IPMK: variants seen among roughly 807,000 people sequenced by gnomAD.
IPMK encodes inositol 1,3,4,6-tetrakisphosphate 5-kinase.
In IPMK, 17 loss-of-function variants were observed where a neutral mutation model predicts 45.8. The ratio of observed to expected loss-of-function variants is 0.37; its 90% CI spans 0.25 to 0.56. The LOEUF is 0.56. Among genes scored for constraint, IPMK ranks in the 20% least tolerant of loss-of-function variants. The probability of loss-of-function intolerance (pLI) is 0.79; values close to 1 mark genes in which losing one functional copy is unlikely to be tolerated. For missense variants in IPMK, 399 were observed against 498.0 expected (o/e 0.80, Z 1.89); for synonymous variants, 180 against 184.3 (o/e 0.98, Z 0.19).
intron 3 of IPMK, among the ~76,000 whole-genome samples, chr10:58,224,285 A>C (rs1838380979): frequency 6.6e-6 from 1 of 152,210 alleles, no homozygotes. Flanking sequence ...AACCTACTCG[A>C]TGTTATACTT....
intron 1 of IPMK, among the ~76,000 whole-genome samples, chr10:58,262,694 C>A (rs1207083400): frequency 6.6e-6 from 1 of 152,136 alleles, no homozygotes; most frequent in Non-Finnish European, 1.5e-5. Context: ...AGGAAGTGCT[C>A]TCAATGGTCA....
At chr10:58,208,920 T>A (rs970735637) in intron 4 of IPMK, among the ~76,000 whole-genome samples, 16 of 152,166 alleles carry the variant, frequency 1.1e-4, no homozygotes, top group Non-Finnish European at 2.1e-4. Flanking sequence ...TGGCTCTCAA[T>A]TAGATGTGCT....
At chr10:58,245,647 C>T (rs372452032) in intron 1 of IPMK, among the ~76,000 whole-genome samples, 12 of 151,286 alleles carry the variant, frequency 7.9e-5, no homozygotes, top group East Asian at 1.9e-4. Flanking sequence ...CCCAGAGAGA[C>T]GTATCTCAAA....
At chr10:58,263,511 A>C (rs1839104661) in intron 1 of IPMK, among the ~76,000 whole-genome samples, 1 of 142,620 alleles carries the variant, frequency 7.0e-6, no homozygotes, top group African/African-American at 2.9e-5. Flanking sequence ...GCAACAGAGC[A>C]AGACTCCGTT....
chr10:58,265,148 C>T (rs1439274593), intron 1 of IPMK, among the ~76,000 whole-genome samples: 1 of 152,130 alleles, frequency 6.6e-6, no homozygotes, highest in African/African-American at 2.4e-5. Flanking sequence ...CTAATATATG[C>T]TTGTTACTTA....
chr10:58,244,347 C>T (rs545478583), intron 1 of IPMK, among the ~76,000 whole-genome samples: 4 of 149,780 alleles, frequency 2.7e-5, no homozygotes, highest in African/African-American at 9.8e-5. Context: ...GCGCCTCTGC[C>T]CGGCCGCCCC....
In IPMK at chr10:58,234,019, T is replaced by C. The variant is rs539292127; in HGVS notation, c.276+3710A>G. Among the ~76,000 whole-genome samples, 4 of 152,122 alleles carry C rather than the reference T, an allele frequency of 2.6e-5. No individual in the cohort carries two copies. The East Asian group carries it at 5.8e-4, about 22-fold the overall frequency. Reference sequence around the variant, plus strand: ...AATCACAAGCATTCCTATACACCATTAACAGACAAACAGAGAGCCAAATCA... The same window carrying C: ...AATCACAAGCATTCCTATACACCATCAACAGACAAACAGAGAGCCAAATCA... On this transcript the variant is annotated intron_variant, in intron 2 of 5. Coordinates refer to ENST00000373935, the MANE Select transcript of IPMK (RefSeq NM_152230.5).
intron 3 of IPMK, among the ~76,000 whole-genome samples, chr10:58,220,951 AG>A (rs1838323930): frequency 6.6e-6 from 1 of 152,204 alleles, no homozygotes; most frequent in Admixed American, 6.5e-5. Context: ...TTTGATATTC[AG>A]TATAAATAAA....
chr10:58,250,714 C>T (rs1216428112), intron 1 of IPMK, among the ~76,000 whole-genome samples: 1 of 152,136 alleles, frequency 6.6e-6, no homozygotes, highest in Non-Finnish European at 1.5e-5. Flanking sequence ...GACTTCCACT[C>T]AAATAGGAGT....
chr10:58,206,801 CA>C (rs1838077318), intron 4 of IPMK, among the ~76,000 whole-genome samples: 1 of 152,104 alleles, frequency 6.6e-6, no homozygotes, highest in African/African-American at 2.4e-5. Context: ...CTCAAGTCCC[CA>C]AAGTCCATTA....
chr10:58,250,419 G>GTTA, intron 1 of IPMK, among the ~76,000 whole-genome samples: 1 of 151,554 alleles, frequency 6.6e-6, no homozygotes, highest in East Asian at 1.9e-4. Flanking sequence ...TAGGGTTTTT[G>GTTA]TTGTTGTTGT....
At chr10:58,236,763 T>G (rs1462555369) in intron 2 of IPMK, among the ~76,000 whole-genome samples, 1 of 151,818 alleles carries the variant, frequency 6.6e-6, no homozygotes, top group Non-Finnish European at 1.5e-5. Context: ...TGTTTTAAAA[T>G]TAGCCAGGCT....
Position 58,196,292 on chromosome 10 carries a change from C to T in IPMK, c.1035G>A (p.Gly345=), listed in dbSNP as rs749648025. 1 of 1,614,046 alleles carries T rather than the reference C, an allele frequency of 6.2e-7. No homozygotes were observed. Among genetic ancestry groups the T allele is most frequent in the Admixed American group, 1.7e-5 (1 of 60,010 alleles). The stretch of plus-strand genomic sequence containing the variant: ...AATGTTCCTGTGACATGCTTTTCCA[C>T]CCATTGTCTTGCTCCAGATTTTCAA... ...LKVENLEQDN[G]WKSMSQEHLN... The change falls in exon 6 of 6, where the codon GGG becomes GGA. Residue 345 remains glycine (G), a synonymous_variant. Transcript: ENST00000373935.
At chr10:58,261,586 T>C (rs1839068080) in intron 1 of IPMK, among the ~76,000 whole-genome samples, 2 of 151,776 alleles carry the variant, frequency 1.3e-5, no homozygotes, top group Admixed American at 6.6e-5. Context: ...AACTAACTTT[T>C]GTTTGTTTTT....
At chr10:58,244,331 T>G in intron 1 of IPMK, among the ~76,000 whole-genome samples, 1 of 133,696 alleles carries the variant, frequency 7.5e-6, no homozygotes, top group South Asian at 2.4e-4. Flanking sequence ...GTCTGGGAAG[T>G]GAGGAGCGCC....
In IPMK at chr10:58,193,080, A is replaced by G. The variant is rs1467554692; in HGVS notation, c.*2996T>C. ...TTTCGTTGTTCTATCGTTTTCTTTC[A>G]TCCTACATCTTCTATAATATTCCAA... On this transcript the variant is annotated 3_prime_UTR_variant, in exon 6 of 6. Coordinates refer to ENST00000373935, the MANE Select transcript of IPMK (RefSeq NM_152230.5). The G allele has an allele frequency of 6.6e-6, 1 of 152,006 alleles. No homozygotes were observed. Among genetic ancestry groups the G allele is most frequent in the Non-Finnish European group, 1.5e-5 (1 of 67,850 alleles). 9.4% of individuals were successfully genotyped at this position (152,006 alleles called of 1,614,324 possible). A position where few individuals can be genotyped will look rare whatever the true frequency, so the allele number is the denominator to read the frequency against.
chr10:58,246,371 G>C (rs1838800572), intron 1 of IPMK, among the ~76,000 whole-genome samples: 1 of 140,824 alleles, frequency 7.1e-6, no homozygotes, highest in Admixed American at 6.8e-5. Flanking sequence ...AAAGAACAAA[G>C]CTAGAGGCAT....
chr10:58,240,647 C>A, intron 1 of IPMK, among the ~76,000 whole-genome samples: 1 of 142,246 alleles, frequency 7.0e-6, no homozygotes, highest in Admixed American at 7.1e-5. Context: ...TAAAGGAAGA[C>A]ATACACCACG....
chr10:58,246,547 A>G lies in IPMK; in HGVS notation c.191-8733T>C, dbSNP rs935715825. ...TTGACAAACCTGATAAAAACAAGCA[A>G]TGGGGAAAGGATTCCCTATTGAATA... On this transcript the variant is annotated intron_variant, in intron 1 of 5. Coordinates refer to ENST00000373935, the MANE Select transcript of IPMK (RefSeq NM_152230.5). Among the ~76,000 whole-genome samples the G allele has an allele frequency of 4.4e-5, 6 of 135,052 alleles. 1 individual carries two copies. Among genetic ancestry groups the G allele is most frequent in the African/African-American group, 2.0e-4 (6 of 29,598 alleles). 88.6% of individuals were successfully genotyped at this position (135,052 alleles called of 152,430 possible). A position where few individuals can be genotyped will look rare whatever the true frequency, so the allele number is the denominator to read the frequency against.
Sources: gnomAD v4.1 joint callset for allele counts (sites outside exome capture counted in the v4.1 genomes callset) on GRCh38, gnomAD v4.1.1 for gene constraint, MANE v1.5 for transcripts, NCBI Gene and HGNC (gene_info 2026-07-23, HGNC 2026-07-21) for gene names.